The following NFIA variants were observed in gnomAD, a reference collection of about 807,000 sequenced individuals.
NFIA encodes the protein nuclear factor I A, also known as nuclear factor 1 A-type.
NFIA carries 8 observed loss-of-function variants against 62.8 expected under a neutral mutation model. That is an observed-to-expected ratio of 0.13 (90% CI 0.07 to 0.23). The LOEUF (loss-of-function observed/expected upper bound fraction) is 0.23, where lower values mean the gene tolerates loss of function less well. Among genes scored for constraint, NFIA ranks in the 10% least tolerant of loss-of-function variants. The probability of loss-of-function intolerance (pLI) is 1.00; values close to 1 mark genes in which losing one functional copy is unlikely to be tolerated. For missense variants in NFIA, 410 were observed against 642.1 expected, an observed-to-expected ratio of 0.64 and a Z score of 3.91; for synonymous variants, 235 against 238.1, an observed-to-expected ratio of 0.99 and a Z score of 0.12.
At chr1:61,279,022 G>T (rs756909324) in intron 3 of NFIA, among the ~76,000 whole-genome samples, 26 of 152,126 alleles carry the variant, frequency 1.7e-4, no homozygotes, top group Admixed American at 1.0e-3. Flanking sequence ...TGTCAGCTGT[G>T]GTTCATTATG....
intron 9 of NFIA, among the ~76,000 whole-genome samples, chr1:61,416,125 G>T (rs1219671232): frequency 6.6e-6 from 1 of 152,112 alleles, no homozygotes; most frequent in African/African-American, 2.4e-5. Flanking sequence ...TGGAAGGATA[G>T]AAACTAATAG....
At chr1:61,175,073 A>T (rs1180370337) in intron 2 of NFIA, among the ~76,000 whole-genome samples, 1 of 152,136 alleles carries the variant, frequency 6.6e-6, no homozygotes, top group East Asian at 1.9e-4. Context: ...ATTGAATATT[A>T]ACAGGCCAGG....
intron 9 of NFIA, among the ~76,000 whole-genome samples, chr1:61,422,236 C>T (rs534780251): frequency 2.0e-4 from 31 of 152,204 alleles, no homozygotes; most frequent in Non-Finnish European, 4.0e-4. Flanking sequence ...GCACTCCAGC[C>T]TGGGCGACAG....
chr1:61,191,472 C>G (rs1193353166), intron 2 of NFIA, among the ~76,000 whole-genome samples: 3 of 152,064 alleles, frequency 2.0e-5, no homozygotes, highest in Non-Finnish European at 4.4e-5. Flanking sequence ...TTGCCTCCTC[C>G]CTTTCCCAGC....
intron 2 of NFIA, among the ~76,000 whole-genome samples, chr1:61,222,787 T>C (rs1157626238): frequency 6.6e-6 from 1 of 152,072 alleles, no homozygotes; most frequent in Non-Finnish European, 1.5e-5. Flanking sequence ...ATATCTCCAG[T>C]GAGCTCTCAT....
At chr1:61,099,010 C>G (rs1390446734) in intron 2 of NFIA, among the ~76,000 whole-genome samples, 1 of 152,082 alleles carries the variant, frequency 6.6e-6, no homozygotes, top group East Asian at 1.9e-4. Flanking sequence ...ACTAATTGTT[C>G]TAAAGATATT....
At chr1:61,103,124 T>C (rs897376607) in intron 2 of NFIA, among the ~76,000 whole-genome samples, 1 of 152,184 alleles carries the variant, frequency 6.6e-6, no homozygotes, top group Non-Finnish European at 1.5e-5. Context: ...TTGAGTTAAT[T>C]AGTGAACACA....
At chr1:61,150,188 G>A (rs1313113453) in intron 2 of NFIA, among the ~76,000 whole-genome samples, 1 of 152,180 alleles carries the variant, frequency 6.6e-6, no homozygotes, top group Non-Finnish European at 1.5e-5. Flanking sequence ...ATTCTCGCGG[G>A]GCCAGGCTCT....
intron 8 of NFIA, 102 bp from the exon 9 acceptor site, chr1:61,406,460 A>T: frequency 1.0e-6 from 1 of 960,158 alleles, no homozygotes; most frequent in Non-Finnish European, 1.6e-6. Flanking sequence ...AATTTACATT[A>T]AAGGTGCCTG....
intron 2 of NFIA, among the ~76,000 whole-genome samples, chr1:61,222,002 A>C (rs1460299001): frequency 6.6e-6 from 1 of 152,160 alleles, no homozygotes; most frequent in Non-Finnish European, 1.5e-5. Context: ...GGGCTTCAAA[A>C]GCACTCTGAA....
intron 6 of NFIA, among the ~76,000 whole-genome samples, chr1:61,376,188 A>G (rs188954804): frequency 2.2e-4 from 34 of 152,260 alleles, no homozygotes; most frequent in Admixed American, 4.6e-4. Context: ...TTTACACATT[A>G]CTGAATTCTA....
chr1:61,185,452 T>G (rs1343433802), intron 2 of NFIA, among the ~76,000 whole-genome samples: 1 of 152,148 alleles, frequency 6.6e-6, no homozygotes, highest in Non-Finnish European at 1.5e-5. Context: ...CTTTTTCCAT[T>G]CTTGTTCCTT....
chr1:61,229,243 T>A (rs953963234), intron 2 of NFIA, among the ~76,000 whole-genome samples: 1 of 152,048 alleles, frequency 6.6e-6, no homozygotes, highest in African/African-American at 2.4e-5. Context: ...AAATATAAGA[T>A]CACGTTAAAG....
chr1:61,422,545 A>G (rs1193653013), intron 9 of NFIA, among the ~76,000 whole-genome samples: 1 of 152,076 alleles, frequency 6.6e-6, no homozygotes, highest in South Asian at 2.1e-4. Context: ...GAACAACAAA[A>G]ACTGGAATTT....
intron 2 of NFIA, among the ~76,000 whole-genome samples, chr1:61,129,450 CTTTT>C (rs58108909): frequency 1.1e-4 from 11 of 99,148 alleles, no homozygotes; most frequent in Non-Finnish European, 1.3e-4. Flanking sequence ...TTTCTTTATT[CTTTT>C]TTTTTTTTTT....
intron 3 of NFIA, among the ~76,000 whole-genome samples, chr1:61,296,752 TA>T (rs897549764): frequency 9.9e-5 from 15 of 152,158 alleles, no homozygotes; most frequent in African/African-American, 3.6e-4. Flanking sequence ...AAGTTCATTT[TA>T]AAAAAGAAAA....
chr1:61,209,272 G>T (rs920556329), intron 2 of NFIA, among the ~76,000 whole-genome samples: 7 of 152,102 alleles, frequency 4.6e-5, no homozygotes, highest in African/African-American at 1.7e-4. Context: ...CCTGTTCATT[G>T]TGTAAAAAGC....
At chr1:61,092,428 G>C (rs530478905) in intron 2 of NFIA, among the ~76,000 whole-genome samples, 1 of 152,128 alleles carries the variant, frequency 6.6e-6, no homozygotes, top group Admixed American at 6.5e-5. Context: ...GTTACTGATT[G>C]CTTCCATGCT....
At chr1:61,169,791 G>T (rs560519288) in intron 2 of NFIA, among the ~76,000 whole-genome samples, 3 of 152,084 alleles carry the variant, frequency 2.0e-5, no homozygotes, top group African/African-American at 7.2e-5. Flanking sequence ...TAATTCTTTG[G>T]TGTTCTCTGT....
Sources: allele counts gnomAD v4.1 joint callset (sites outside exome capture counted in the v4.1 genomes callset), GRCh38; gene constraint gnomAD v4.1.1; transcripts MANE v1.5; gene names NCBI Gene and HGNC (gene_info 2026-07-23, HGNC 2026-07-21).